HK1: variants seen among roughly 807,000 people sequenced by gnomAD.
HK1 encodes the protein hexokinase 1.
Under a neutral mutation model 91.6 loss-of-function variants are expected in HK1, and 28 were observed. The ratio of observed to expected loss-of-function variants is 0.31; its 90% CI spans 0.23 to 0.42. HK1 has a LOEUF of 0.42. HK1 is among the 10% of genes least tolerant of loss of function. The pLI, the probability that HK1 is intolerant of heterozygous loss-of-function variation, is 1.00. For missense variants in HK1, 770 were observed against 1,219.8 expected (o/e 0.63, Z 5.49); for synonymous variants, 430 against 468.1 (o/e 0.92, Z 1.05).
chr10:69,390,939 C>G (rs948600096), intron 14 of HK1, among the ~76,000 whole-genome samples: 1 of 152,210 alleles, frequency 6.6e-6, no homozygotes. Context: ...TGACCACAAG[C>G]TTGGATATCA....
chr10:69,279,558 T>A (rs1275500669), intron 1 of HK1, among the ~76,000 whole-genome samples: 1 of 152,134 alleles, frequency 6.6e-6, no homozygotes, highest in East Asian at 1.9e-4. Context: ...GATCGAATGT[T>A]TGATGGGGAA....
At chr10:69,312,440 T>G (rs779552616), upstream of HK1, among the ~76,000 whole-genome samples, 25 of 152,204 alleles carry the variant, frequency 1.6e-4, no homozygotes, top group Admixed American at 9.8e-4. Flanking sequence ...AGTTTCACCA[T>G]GTTGGCCAGC....
intron 7 of HK1, among the ~76,000 whole-genome samples, chr10:69,376,015 G>T (rs575649165): frequency 2.0e-5 from 3 of 152,324 alleles, no homozygotes; most frequent in African/African-American, 4.8e-5. Context: ...ATCAGTGGGG[G>T]AGGAGTGAGT....
intron 1 of HK1, among the ~76,000 whole-genome samples, chr10:69,337,409 C>T (rs900313444): frequency 6.6e-6 from 1 of 152,194 alleles, no homozygotes; most frequent in African/African-American, 2.4e-5. Context: ...AGGGAACTAG[C>T]ATTAAAGCAC....
At chr10:69,349,808 G>A (rs184518239) in intron 2 of HK1, among the ~76,000 whole-genome samples, 4 of 152,282 alleles carry the variant, frequency 2.6e-5, no homozygotes, top group African/African-American at 9.6e-5. Flanking sequence ...TTCATTTCCT[G>A]ACAAAGAATA....
At chr10:69,328,619 C>A (rs2132614938) in intron 1 of HK1, among the ~76,000 whole-genome samples, 1 of 152,286 alleles carries the variant, frequency 6.6e-6, no homozygotes. Context: ...TGGCAGAGCT[C>A]CTGCTTTTAT....
At chr10:69,387,199 A>G (rs1347269919) in intron 13 of HK1, among the ~76,000 whole-genome samples, 2 of 152,246 alleles carry the variant, frequency 1.3e-5, no homozygotes, top group African/African-American at 4.8e-5. Flanking sequence ...TATCCAATCC[A>G]GAGCAAAGCC....
chr10:69,390,226 C>A (rs1240326290), intron 14 of HK1, among the ~76,000 whole-genome samples: 1 of 152,230 alleles, frequency 6.6e-6, no homozygotes, highest in East Asian at 1.9e-4. Flanking sequence ...CTGGCTTTCT[C>A]CACCCAGCCC....
intron 1 of HK1, among the ~76,000 whole-genome samples, chr10:69,332,077 A>C (rs1847756212): frequency 6.6e-6 from 1 of 152,120 alleles, no homozygotes; most frequent in South Asian, 2.1e-4. Flanking sequence ...TAAAAAACAA[A>C]ATTAATTTCA....
At chr10:69,355,149 T>C (rs902224733) in intron 2 of HK1, among the ~76,000 whole-genome samples, 8 of 151,894 alleles carry the variant, frequency 5.3e-5, no homozygotes, top group African/African-American at 1.9e-4. Flanking sequence ...TATTTCTTTA[T>C]ACCTTCATTA....
chr10:69,323,280 G>T (rs1847150207), intron 1 of HK1, among the ~76,000 whole-genome samples: 1 of 151,392 alleles, frequency 6.6e-6, no homozygotes, highest in South Asian at 2.1e-4. Context: ...AAAATCTGTG[G>T]GTTCTTGCAG....
chr10:69,340,558 A>G (rs1435715810), intron 1 of HK1, among the ~76,000 whole-genome samples: 3 of 152,158 alleles, frequency 2.0e-5, no homozygotes, highest in Non-Finnish European at 4.4e-5. Context: ...CCTTAAAATT[A>G]AAATTAAAAA....
chr10:69,357,756 G>C (rs938747924), intron 2 of HK1, among the ~76,000 whole-genome samples: 6 of 151,680 alleles, frequency 4.0e-5, no homozygotes, highest in African/African-American at 1.5e-4. Flanking sequence ...CCTGGCCACT[G>C]TATGATTTCA....
At chr10:69,400,439 G>A (rs1340575747) in intron 17 of HK1, among the ~76,000 whole-genome samples, 1 of 148,744 alleles carries the variant, frequency 6.7e-6, no homozygotes, top group Non-Finnish European at 1.5e-5. Context: ...GGGCCAGGCT[G>A]TTGATGGTGG....
intron 1 of HK1, among the ~76,000 whole-genome samples, chr10:69,321,564 C>T (rs530386407): frequency 1.3e-5 from 2 of 152,274 alleles, no homozygotes; most frequent in East Asian, 3.9e-4. Context: ...TGGAGACAGA[C>T]CTGGCATCCC....
At chr10:69,330,124 CAATT>C (rs982176019) in intron 1 of HK1, among the ~76,000 whole-genome samples, 5 of 152,112 alleles carry the variant, frequency 3.3e-5, no homozygotes, top group Non-Finnish European at 7.3e-5. Flanking sequence ...TCGATTCCAT[CAATT>C]GATTGACACA....
rs373066820 is a variant in HK1, at chr10:69,376,918, G to T, written c.876-16G>T. ...CAGAGGAAGGCTGACAAGTGCCGGT[G>T]TGCCTTTCTCCACAGGTTTGAGAAG... is the stretch of plus-strand genomic sequence containing the variant. On this transcript the variant is annotated splice_polypyrimidine_tract_variant and intron_variant, in intron 7 of 17. Coordinates refer to ENST00000359426, the MANE Select transcript of HK1 (RefSeq NM_000188.3). 3.3e-4 allele frequency: 535 copies of T among 1,614,100 alleles called. No individual in the cohort carries two copies. Among genetic ancestry groups the T allele is most frequent in the Non-Finnish European group, 4.3e-4 (509 of 1,179,946 alleles).
upstream of HK1, among the ~76,000 whole-genome samples, chr10:69,312,596 T>C (rs918272621): frequency 6.6e-6 from 1 of 152,144 alleles, no homozygotes; most frequent in Non-Finnish European, 1.5e-5. Context: ...ATGCTAATTC[T>C]GTAATTCTGC....
intron 15 of HK1, among the ~76,000 whole-genome samples, chr10:69,394,318 G>T (rs1037821904): frequency 6.6e-6 from 1 of 152,238 alleles, no homozygotes. Flanking sequence ...TCTGCTGTGG[G>T]CTTGACCAGT....
Sources: gnomAD v4.1 joint callset for allele counts (sites outside exome capture counted in the v4.1 genomes callset) on GRCh38, gnomAD v4.1.1 for gene constraint, MANE v1.5 for transcripts, NCBI Gene and HGNC (gene_info 2026-07-23, HGNC 2026-07-21) for gene names.